MAST1: variants seen among roughly 807,000 people sequenced by gnomAD.
MAST1 encodes the protein microtubule associated serine/threonine kinase 1.
Under a neutral mutation model 124.6 loss-of-function variants are expected in MAST1, and 40 were observed. The observed-to-expected ratio is 0.32, with a 90% CI of 0.25 to 0.42. The LOEUF (loss-of-function observed/expected upper bound fraction) is 0.42. MAST1 is among the 10% of genes least tolerant of loss of function. MAST1 has a pLI of 1.00. For missense variants in MAST1, 1,558 were observed against 2,181.9 expected (o/e 0.71, Z 5.70); for synonymous variants, 938 against 939.4 (o/e 1.00, Z 0.03).
chr19:12,847,772 T>A lies in MAST1; in HGVS notation c.565-76T>A, dbSNP rs753595631. On this transcript the variant is annotated intron_variant, in intron 6 of 25. Coordinates refer to ENST00000251472, the MANE Select transcript of MAST1 (RefSeq NM_014975.3). This position sits in a 1 kb window ranked among gnomAD's most constrained non-coding sequence, Gnocchi z 5.5. ...TATCCCCGCGCGCCCCCTGGCGGCCTCGGTGCGCAGCGCAGGCTCCTGGCG... is the reference window on the plus strand; with the variant it reads ...TATCCCCGCGCGCCCCCTGGCGGCCACGGTGCGCAGCGCAGGCTCCTGGCG... 56 of 1,583,688 alleles carry A rather than the reference T, an allele frequency of 3.5e-5. 1 individual carries two copies. The East Asian group carries it at 1.3e-3, about 36-fold the overall frequency.
intron 25 of MAST1, 26 bp downstream of exon 25, chr19:12,873,537 G>T: frequency 3.8e-6 from 6 of 1,591,524 alleles, no homozygotes; most frequent in Non-Finnish European, 5.1e-6. Context: ...CCTGCGCGGG[G>T]ACCGAGCAGC....
In MAST1 at chr19:12,841,076, T is replaced by C; in HGVS notation, c.248+10T>C. 1 of 1,456,058 alleles carries C rather than the reference T, an allele frequency of 6.9e-7. No individual in the cohort carries two copies. The highest frequency in any genetic ancestry group is 9.6e-7 in the Non-Finnish European group (1 of 1,036,398). The allele number at this position is 1,456,058 out of a possible 1,614,324, so 90.2% of individuals were successfully genotyped here. On this transcript the variant is annotated intron_variant, in intron 3 of 25. Coordinates refer to ENST00000251472, the MANE Select transcript of MAST1 (RefSeq NM_014975.3). The surrounding 1 kb of genome is among the most constrained non-coding windows in gnomAD (Gnocchi z 4.3). ...TTGCCTCCTCCCGAAGGTGAGTCCC[T>C]CCCCTCCAGGGCCCCAGAACCCTGG... is the stretch of plus-strand genomic sequence containing the variant.
chr19:12,840,198 T>C (rs1461951290), intron 1 of MAST1, among the ~76,000 whole-genome samples: 1 of 152,194 alleles, frequency 6.6e-6, no homozygotes, highest in Non-Finnish European at 1.5e-5. Context: ...TATCACACCA[T>C]GACAGACACT....
At position 12,865,244 on chromosome 19, in the gene MAST1, C is replaced by T; in HGVS notation, c.1638+66C>T. ...CCTGCAGGACCTCGGGAACCCAGGG[C>T]CTGGTGGGGGGCACAGCTCTCCCTT... On this transcript the variant is annotated intron_variant, in intron 14 of 25. Coordinates refer to ENST00000251472, the MANE Select transcript of MAST1 (RefSeq NM_014975.3). This position sits in a 1 kb window ranked among gnomAD's most constrained non-coding sequence, Gnocchi z 7.1. 1 of 1,589,250 alleles carries T rather than the reference C, an allele frequency of 6.3e-7. No individual in the cohort carries two copies. Among genetic ancestry groups the T allele is most frequent in the Non-Finnish European group, 8.6e-7 (1 of 1,166,576 alleles).
chr19:12,871,087 C>T lies in MAST1; in HGVS notation c.3178C>T (p.Arg1060Cys), dbSNP rs748873451. The change falls in exon 24 of 26, where the codon CGC becomes TGC. Residue 1060 changes from arginine (R) to cysteine (C), a missense_variant. Around this residue, in one of 10 missense-constraint regions of MAST1, gnomAD observed 291 missense variants for 475.8 expected, o/e 0.61. Coordinates refer to ENST00000251472, the MANE Select transcript of MAST1 (RefSeq NM_014975.3). ...AACGCCCTTCGAAAATACCTCTATC[C>T]GCATTGGTCCCGCAAGGCGCAGCAG... Reference protein sequence around the residue: ...TTTPFENTSIRIGPARRSSYK... With the variant: ...TTTPFENTSICIGPARRSSYK... 8.7e-6 allele frequency: 14 copies of T among 1,614,096 alleles called. No individual in the cohort carries two copies. The highest frequency in any genetic ancestry group is 1.2e-5 in the Non-Finnish European group (14 of 1,180,042).
chr19:12,848,159 C>T lies in MAST1; in HGVS notation c.774+102C>T. 2.8e-6 allele frequency: 3 copies of T among 1,077,422 alleles called. No individual in the cohort carries two copies. The South Asian group carries it at 4.5e-5, about 16-fold the overall frequency. The allele number at this position is 1,077,422 out of a possible 1,614,324, so 66.7% of individuals were successfully genotyped here. A position where few individuals can be genotyped will look rare whatever the true frequency, so the allele number is the denominator to read the frequency against. On this transcript the variant is annotated intron_variant, in intron 7 of 25. Coordinates refer to ENST00000251472, the MANE Select transcript of MAST1 (RefSeq NM_014975.3). ...CCACATACATTCAGGGAGCTCCTAC[C>T]ACGTTCCAGGCACTGGCGTGGAGCT...
At chr19:12,857,505 G>C (rs187647601) in intron 10 of MAST1, among the ~76,000 whole-genome samples, 3 of 151,444 alleles carry the variant, frequency 2.0e-5, no homozygotes, top group African/African-American at 7.3e-5. Flanking sequence ...TCTGCCTCCC[G>C]GGTTCACGCC....
intron 10 of MAST1, among the ~76,000 whole-genome samples, chr19:12,854,123 CTTTTT>C (rs533163138): frequency 2.4e-5 from 3 of 126,682 alleles, no homozygotes; most frequent in Non-Finnish European, 4.9e-5. Flanking sequence ...CTGGATATTT[CTTTTT>C]TTTTTTTTTT....
chr19:12,867,008 G>A (rs1466924151), intron 18 of MAST1, among the ~76,000 whole-genome samples: 1 of 152,004 alleles, frequency 6.6e-6, no homozygotes, highest in Non-Finnish European at 1.5e-5. Flanking sequence ...ATGGTGGGGC[G>A]GGGCTAGGTG....
chr19:12,874,337 G>C lies in MAST1; in HGVS notation c.4180G>C (p.Val1394Leu). ...RDVGCTRHQS[V>L]QTEDGTGGMA... ...CGTCGGCTGCACGCGGCATCAGAGC[G>C]TGCAGACGGAGGATGGCACTGGCGG... is the stretch of plus-strand genomic sequence containing the variant. Residue 1394 changes from valine (V) to leucine (L), a missense_variant, in exon 26 of 26, where the codon GTG (valine) becomes CTG (leucine). Physicochemically the swap from Val to Leu is conservative, Grantham distance 32 (BLOSUM62 1). Coordinates refer to ENST00000251472, the MANE Select transcript of MAST1 (RefSeq NM_014975.3). The surrounding 1 kb of genome is among the most constrained non-coding windows in gnomAD (Gnocchi z 6.6). 6.3e-7 allele frequency: 1 copy of C among 1,597,314 alleles called. No individual in the cohort carries two copies. Among genetic ancestry groups the C allele is most frequent in the Non-Finnish European group, 8.5e-7 (1 of 1,178,352 alleles).
At chr19:12,845,625 A>G (rs1440127044) in intron 4 of MAST1, among the ~76,000 whole-genome samples, 1 of 150,330 alleles carries the variant, frequency 6.7e-6, no homozygotes, top group Admixed American at 6.6e-5. Flanking sequence ...AGAGCCAGGC[A>G]TAGTGGCTCA....
In MAST1 at chr19:12,847,604, C is replaced by T; in HGVS notation, c.489-8C>T. 3 of 1,614,036 alleles carry T rather than the reference C, an allele frequency of 1.9e-6. No homozygotes were observed. The highest frequency in any genetic ancestry group is 1.3e-5 in the African/African-American group (1 of 75,062). On this transcript the variant is annotated splice_region_variant and splice_polypyrimidine_tract_variant and intron_variant, in intron 5 of 25. Transcript: ENST00000251472. This position sits in a 1 kb window ranked among gnomAD's most constrained non-coding sequence, Gnocchi z 5.5. ...AGGACTCGACAAAATGGGCTTCTCT[C>T]CCCGCAGCCCCGGGCGCTCCCCCTC...
In MAST1 at chr19:12,858,456, G is replaced by A. The variant is rs1218314058; in HGVS notation, c.1157+15G>A. Reference sequence around the variant, plus strand: ...GGTGCCTACGGGTGAGCCACCCGGGGCTCTGGCGGGGGGAGGGTGGCGGAG... The same window carrying A: ...GGTGCCTACGGGTGAGCCACCCGGGACTCTGGCGGGGGGAGGGTGGCGGAG... On this transcript the variant is annotated intron_variant, in intron 11 of 25. Coordinates refer to ENST00000251472, the MANE Select transcript of MAST1 (RefSeq NM_014975.3). 1 of 1,613,106 alleles carries A rather than the reference G, an allele frequency of 6.2e-7. No homozygotes were observed. The highest frequency in any genetic ancestry group is 1.3e-5 in the African/African-American group (1 of 74,916).
intron 2 of MAST1, 122 bp downstream of exon 2, chr19:12,840,656 A>G (rs574413510): frequency 1.3e-6 from 1 of 742,716 alleles, no homozygotes; most frequent in African/African-American, 1.7e-5. Flanking sequence ...ACCAGTTTGG[A>G]TAAGGGGCGG....
intron 12 of MAST1, chr19:12,859,067 A>G (rs1330627346): frequency 2.6e-6 from 1 of 378,362 alleles, no homozygotes; most frequent in Non-Finnish European, 4.7e-6. Flanking sequence ...TTATTTATTT[A>G]TTTATTCATT....
At chr19:12,854,192 C>T (rs1458292864) in intron 10 of MAST1, among the ~76,000 whole-genome samples, 20 of 147,534 alleles carry the variant, frequency 1.4e-4, no homozygotes, top group African/African-American at 5.0e-4. Flanking sequence ...GGCGTGATCT[C>T]GGCTCACTGC....
chr19:12,840,810 G>A (rs1969816968), intron 2 of MAST1, among the ~76,000 whole-genome samples, 181 bp from the exon 3 acceptor site: 1 of 150,462 alleles, frequency 6.6e-6, no homozygotes, highest in African/African-American at 2.5e-5. Context: ...AGCCAGAATC[G>A]TCTTGGAAGG....
Position 12,873,862 on chromosome 19 carries a change from C to T in MAST1, c.3705C>T (p.Phe1235=). The T allele has an allele frequency of 1.3e-6, 2 of 1,584,662 alleles. No homozygotes were observed. Among genetic ancestry groups the T allele is most frequent in the African/African-American group, 1.3e-5 (1 of 74,886 alleles). ...TVGSSHTTQS[F]PAKLHSSPPV... is the part of the protein sequence containing the mutation. ...GCAGCTCGCACACTACTCAGAGCTTCCCGGCCAAACTGCACTCATCGCCTC... is the reference window on the plus strand; with the variant it reads ...GCAGCTCGCACACTACTCAGAGCTTTCCGGCCAAACTGCACTCATCGCCTC... The change falls in exon 26 of 26, where the codon TTC becomes TTT. Residue 1235 remains phenylalanine (F), a synonymous_variant. Coordinates refer to ENST00000251472, the MANE Select transcript of MAST1 (RefSeq NM_014975.3).
Position 12,867,426 on chromosome 19 carries a change from A to C in MAST1, c.2140-48A>C, listed in dbSNP as rs1367284704. On this transcript the variant is annotated intron_variant, in intron 18 of 25. Transcript: ENST00000251472. ...CTGCCAGGAAGCTGATTAGCTCCGG[A>C]GTGAAAGTGGAACCCGGGCTGGACT... 4 of 1,605,574 alleles carry C rather than the reference A, an allele frequency of 2.5e-6. No homozygotes were observed. The African/African-American group carries it at 5.4e-5, about 21-fold the overall frequency.
Sources: allele counts gnomAD v4.1 joint callset (sites outside exome capture counted in the v4.1 genomes callset), GRCh38; gene constraint gnomAD v4.1.1; regional missense constraint gnomAD v4.1.1; non-coding constraint Gnocchi (gnomAD v3.1); transcripts MANE v1.5; gene names NCBI Gene and HGNC (gene_info 2026-07-23, HGNC 2026-07-21).